DCAF4: variants seen among roughly 807,000 people sequenced by gnomAD.
DCAF4 encodes the protein DDB1 and CUL4 associated factor 4, also known as DDB1- and CUL4-associated factor 4.
Under a neutral mutation model 60.9 loss-of-function variants are expected in DCAF4, and 37 were observed. That is an observed-to-expected ratio of 0.61 (90% CI 0.47 to 0.80). DCAF4 has a LOEUF of 0.80. DCAF4 is among the 30% of genes least tolerant of loss of function. The pLI is 0.00. For missense variants in DCAF4, 577 were observed against 650.0 expected, an observed-to-expected ratio of 0.89 and a Z score of 1.22; for synonymous variants, 243 against 254.8, an observed-to-expected ratio of 0.95 and a Z score of 0.44.
At chr14:72,943,531 T>C (rs907368912) in intron 6 of DCAF4, among the ~76,000 whole-genome samples, 1 of 152,134 alleles carries the variant, frequency 6.6e-6, no homozygotes, top group East Asian at 1.9e-4. Context: ...ACTCCTTGCT[T>C]GCCGCCCCTG....
chr14:72,937,410 CTT>C (rs11288108), intron 1 of DCAF4, among the ~76,000 whole-genome samples: 73 of 105,760 alleles, frequency 6.9e-4, no homozygotes, highest in African/African-American at 1.9e-3. Context: ...TTTTTCTTTT[CTT>C]TTTTTTTTTT....
At chr14:72,929,722 G>A (rs1888269767) in intron 1 of DCAF4, 2 of 1,203,228 alleles carry the variant, frequency 1.7e-6, no homozygotes, top group Admixed American at 1.7e-5. Context: ...ATGAACTTGA[G>A]GGCCCATTTC....
chr14:72,930,071 CCGGGAG>C, intron 1 of DCAF4: 1 of 537,302 alleles, frequency 1.9e-6, no homozygotes, highest in Admixed American at 3.2e-5. Flanking sequence ...ATGGAGGTTG[CCGGGAG>C]CGGAGATCGC....
intron 8 of DCAF4, among the ~76,000 whole-genome samples, chr14:72,950,209 A>G (rs1007429027): frequency 1.3e-5 from 2 of 152,156 alleles, no homozygotes; most frequent in Non-Finnish European, 2.9e-5. Flanking sequence ...GACGAGAGCA[A>G]GTCCTCAGAC....
intron 1 of DCAF4, among the ~76,000 whole-genome samples, chr14:72,927,112 C>A (rs955140624): frequency 6.6e-6 from 1 of 152,184 alleles, no homozygotes; most frequent in East Asian, 1.9e-4. Context: ...GTTTGGCCCT[C>A]GCCTCCACTC....
At chr14:72,945,741 T>TC (rs1594772023) in intron 6 of DCAF4, 143 bp from the exon 7 acceptor site, 2 of 1,108,346 alleles carry the variant, frequency 1.8e-6, no homozygotes, top group East Asian at 4.7e-5. Flanking sequence ...AGTGAGGTCA[T>TC]CTCCACTCTC....
chr14:72,927,577 T>C (rs1887779847), intron 1 of DCAF4, among the ~76,000 whole-genome samples: 1 of 151,902 alleles, frequency 6.6e-6, no homozygotes. Context: ...GGTCTCGATC[T>C]CCTGACCTCG....
intron 1 of DCAF4, 35 bp from the exon 2 acceptor site, chr14:72,937,936 A>G: frequency 6.4e-7 from 1 of 1,550,444 alleles, no homozygotes; most frequent in Non-Finnish European, 8.6e-7. Flanking sequence ...GCCCACACAC[A>G]GAGATGTATG....
Position 72,947,137 on chromosome 14 carries a change from A to G in DCAF4, c.679-5A>G, listed in dbSNP as rs569748085. 2.0e-5 allele frequency: 32 copies of G among 1,614,116 alleles called. No individual in the cohort carries two copies. The highest frequency in any genetic ancestry group is 2.0e-4 in the South Asian group (18 of 91,080). Reference sequence around the variant, plus strand: ...TTTCCATCTCGCTGTGTGCTTCCTCACCAGGTGAATTCGGTGTGCTGGGCC... The same window carrying G: ...TTTCCATCTCGCTGTGTGCTTCCTCGCCAGGTGAATTCGGTGTGCTGGGCC... On this transcript the variant is annotated splice_polypyrimidine_tract_variant and splice_region_variant and intron_variant, in intron 7 of 13. Transcript: ENST00000358377.
At chr14:72,944,022 A>T (rs1890397420) in intron 6 of DCAF4, among the ~76,000 whole-genome samples, 1 of 152,136 alleles carries the variant, frequency 6.6e-6, no homozygotes, top group East Asian at 1.9e-4. Context: ...CTGAATGAGT[A>T]GAATCGTCTC....
chr14:72,935,277 C>T (rs1000815839), intron 1 of DCAF4: 5 of 124,368 alleles, frequency 4.0e-5, no homozygotes, highest in East Asian at 2.4e-4. Flanking sequence ...TTTTTTGAGA[C>T]GGAGTTTCAC....
chr14:72,943,617 T>G lies in DCAF4; in HGVS notation c.534+521T>G, dbSNP rs369915708. Among the ~76,000 whole-genome samples, 41 of 152,194 alleles carry G rather than the reference T, an allele frequency of 2.7e-4. No individual in the cohort carries two copies. In the East Asian group the frequency reaches 6.8e-3, roughly 25 times the overall value. On this transcript the variant is annotated intron_variant, in intron 6 of 13. Transcript: ENST00000358377. ...GGTGAAAGGCCTTCTCTGGTTTGGGTTGGACCCAAGCTGGAAGCCAAGGTC... is the reference window on the plus strand; with the variant it reads ...GGTGAAAGGCCTTCTCTGGTTTGGGGTGGACCCAAGCTGGAAGCCAAGGTC...
Position 72,926,558 on chromosome 14 carries a change from C to G in DCAF4, c.-9+15C>G, listed in dbSNP as rs1887570607. Reference sequence around the variant, plus strand: ...ACGCTGAACAGGTAAGACTGTGCTGCCTGGGGTGCCTACTGGCATCGATTC... The same window carrying G: ...ACGCTGAACAGGTAAGACTGTGCTGGCTGGGGTGCCTACTGGCATCGATTC... On this transcript the variant is annotated intron_variant, in intron 1 of 13. Coordinates refer to ENST00000358377, the MANE Select transcript of DCAF4 (RefSeq NM_015604.4). 1 of 152,294 alleles carries G rather than the reference C, an allele frequency of 6.6e-6. No individual in the cohort carries two copies. The allele number at this position is 152,294 out of a possible 1,614,324, so 9.4% of individuals were successfully genotyped here. A position where few individuals can be genotyped will look rare whatever the true frequency, so the allele number is the denominator to read the frequency against.
At chr14:72,940,594 T>C in intron 4 of DCAF4, 1 of 424,218 alleles carries the variant, frequency 2.4e-6, no homozygotes, top group Non-Finnish European at 4.1e-6. Context: ...ATAAGTTGTT[T>C]TTTTTTTTTT....
chr14:72,952,159 A>T (rs1424673688), intron 9 of DCAF4, among the ~76,000 whole-genome samples: 1 of 152,234 alleles, frequency 6.6e-6, no homozygotes, highest in Non-Finnish European at 1.5e-5. Flanking sequence ...CATCATTCAG[A>T]AAACACCTCT....
downstream of DCAF4, among the ~76,000 whole-genome samples, chr14:72,959,944 G>A (rs1294855857): frequency 1.3e-5 from 2 of 152,132 alleles, no homozygotes; most frequent in East Asian, 3.9e-4. Context: ...TTGGGCTGTG[G>A]GTGGCTGTAA....
Position 72,927,332 on chromosome 14 carries a change from G to T in DCAF4, c.-9+789G>T, listed in dbSNP as rs1445376594. Among the ~76,000 whole-genome samples, 9 of 143,460 alleles carry T rather than the reference G, an allele frequency of 6.3e-5. No individual in the cohort carries two copies. The South Asian group carries it at 1.5e-3, about 24-fold the overall frequency. The allele number at this position is 143,460 out of a possible 152,430, so 94.1% of individuals were successfully genotyped here. ...TTAAATAACGATGGAAATTAGAGTC[G>T]CGGTGGTGTTCTTTTTTTTTTTTTT... On this transcript the variant is annotated intron_variant, in intron 1 of 13. Coordinates refer to ENST00000358377, the MANE Select transcript of DCAF4 (RefSeq NM_015604.4).
chr14:72,939,867 C>T lies in DCAF4; in HGVS notation c.158C>T (p.Thr53Ile), dbSNP rs1252835478. Residue 53 changes from threonine to isoleucine, a missense_variant, in exon 3 of 14, where the codon ACC becomes ATC. Thr to Ile is a moderately conservative substitution (Grantham distance 89). Transcript: ENST00000358377. ...SGHGDDESPS[T>I]SSGTAGTSSV... The stretch of plus-strand genomic sequence containing the variant: ...CACGGTGATGACGAGTCTCCGTCAA[C>T]CTCGTCTGGCACAGCTGGGACCTCC... 1.1e-5 allele frequency: 17 copies of T among 1,611,924 alleles called. No homozygotes were observed. The highest frequency in any genetic ancestry group is 1.4e-5 in the Non-Finnish European group (17 of 1,179,146).
chr14:72,939,963 T>A, intron 3 of DCAF4, 61 bp downstream of exon 3: 1 of 1,448,718 alleles, frequency 6.9e-7, no homozygotes, highest in Non-Finnish European at 9.3e-7. Context: ...TGAGACCCGT[T>A]CCTGGCTTGG....
Sources: allele counts gnomAD v4.1 joint callset (sites outside exome capture counted in the v4.1 genomes callset), GRCh38; gene constraint gnomAD v4.1.1; transcripts MANE v1.5; gene names NCBI Gene and HGNC (gene_info 2026-07-23, HGNC 2026-07-21).